TDRD12: variants seen among roughly 807,000 people sequenced by gnomAD.
TDRD12 encodes tudor domain containing 12.
In TDRD12, 158 loss-of-function variants were observed where a neutral mutation model predicts 133.5. The observed-to-expected ratio is 1.18, with a 90% confidence interval of 1.04 to 1.35. The LOEUF (loss-of-function observed/expected upper bound fraction) is 1.35. TDRD12 is among the 40% of genes most tolerant of loss of function. TDRD12 has a pLI of 0.00. For synonymous variants in TDRD12, 460 were observed against 477.9 expected, an observed-to-expected ratio of 0.96 and a Z score of 0.49; for missense variants, 1,443 against 1,321.3, an observed-to-expected ratio of 1.09 and a Z score of -1.43.
chr19:32,827,006 A>G (rs3746028), intron 9 of TDRD12, among the ~76,000 whole-genome samples, 158 bp from the exon 33 acceptor site: 32,168 of 152,144 alleles, frequency 0.21, 3,736 homozygotes, highest in East Asian at 0.52. Context: ...TAAGCAGACC[A>G]ATTTGACCTG....
Position 32,815,127 on chromosome 19 carries a change from G to A in TDRD12, c.3142-321G>A, listed in dbSNP as rs897954736. 4.6e-5 allele frequency among the ~76,000 whole-genome samples: 7 copies of A among 152,168 alleles called. No homozygotes were observed. In the East Asian group the frequency reaches 5.8e-4, roughly 13 times the overall value. ...TTGAGAAGGAATGAGAAAGATGTAC[G>A]AATTATGCATCTGACTAGGGGTTTA... On this transcript the variant is annotated intron_variant, in intron 25 of 27. Coordinates refer to ENST00000444215, the Ensembl canonical transcript of TDRD12.
At chr19:32,804,265 G>A (rs1971479744) in intron 21 of TDRD12, among the ~76,000 whole-genome samples, 1 of 151,246 alleles carries the variant, frequency 6.6e-6, no homozygotes, top group African/African-American at 2.4e-5. Context: ...GTAGATATGG[G>A]GTTTCACCAT....
intron 24 of TDRD12, among the ~76,000 whole-genome samples, chr19:32,812,186 G>C (rs1330494689): frequency 6.6e-6 from 1 of 152,172 alleles, no homozygotes; most frequent in Non-Finnish European, 1.5e-5. Flanking sequence ...GAGTGGGAAG[G>C]CCCAGCCCTT....
chr19:32,804,830 G>A (rs908371042), intron 21 of TDRD12, among the ~76,000 whole-genome samples: 7 of 151,584 alleles, frequency 4.6e-5, no homozygotes, highest in South Asian at 2.1e-4. Flanking sequence ...CACTCCAGAC[G>A]GGGTGACAGA....
rs184247207 is a variant in TDRD12, at chr19:32,827,106, G to A, written c.1050-58G>A. 4.2e-5 allele frequency: 40 copies of A among 960,818 alleles called. No homozygotes were observed. In the African/African-American group the frequency reaches 6.4e-4, roughly 15 times the overall value. 59.5% of individuals were successfully genotyped at this position (960,818 alleles called of 1,614,324 possible). On this transcript the variant is annotated intron_variant, in intron 9 of 9. Coordinates refer to the TDRD12 transcript ENST00000637289. ...TCTGCATTGACCCAAATAATGGGGG[G>A]AAATAAAGATTTGCTGATTAGTCTA...
intron 1 of TDRD12, among the ~76,000 whole-genome samples, chr19:32,724,687 GC>G: frequency 6.6e-6 from 1 of 152,054 alleles, no homozygotes; most frequent in Non-Finnish European, 1.5e-5. Context: ...GTGAACATAC[GC>G]ATGTATGTCT....
At position 32,772,314 on chromosome 19, in the gene TDRD12, C is replaced by T. The variant is rs185619975; in HGVS notation, c.866-439C>T. Among the ~76,000 whole-genome samples, 32 of 152,234 alleles carry T rather than the reference C, an allele frequency of 2.1e-4. No homozygotes were observed. The East Asian group carries it at 5.0e-3, about 24-fold the overall frequency. ...ACAGATCCTGAGTATGTGGCCTTTT[C>T]GTAATGTCACTTTAGAAGTCTCACA... is the stretch of plus-strand genomic sequence containing the variant. On this transcript the variant is annotated intron_variant, in intron 8 of 27. Transcript: ENST00000444215.
chr19:32,824,839 TTG>T (rs966603570), downstream of TDRD12, among the ~76,000 whole-genome samples: 9 of 151,998 alleles, frequency 5.9e-5, no homozygotes, highest in African/African-American at 2.2e-4. Flanking sequence ...CTCCTGTGAT[TTG>T]TGTTTCCCGG....
exon 16 of TDRD12, chr19:32,798,354 C>G: frequency 6.5e-7 from 1 of 1,535,834 alleles, no homozygotes; most frequent in Non-Finnish European, 8.7e-7. Flanking sequence ...GGCTTCTCGC[C>G]TGTCAGAGCC....
At chr19:32,791,718 G>A (rs951264637) in intron 13 of TDRD12, among the ~76,000 whole-genome samples, 7 of 152,140 alleles carry the variant, frequency 4.6e-5, no homozygotes, top group African/African-American at 7.2e-5. Flanking sequence ...AGCAAGGTTG[G>A]AGGCTCTTTT....
intron 4 of TDRD12, among the ~76,000 whole-genome samples, chr19:32,746,937 T>TAA (rs1969662439): frequency 7.9e-6 from 1 of 125,952 alleles, no homozygotes; most frequent in Admixed American, 7.8e-5. Flanking sequence ...GGCTATTCTG[T>TAA]GAGAGAGAGA....
At chr19:32,802,232 T>TATGATCATATATATC (rs1971419459) in intron 19 of TDRD12, among the ~76,000 whole-genome samples, 2 of 146,982 alleles carry the variant, frequency 1.4e-5, no homozygotes, top group African/African-American at 5.0e-5. Context: ...TGATCATATA[T>TATGATCATATATATC]ATGATAGTGA....
chr19:32,798,404 T>C (rs1599601045), exon 16 of TDRD12: 8 of 1,535,708 alleles, frequency 5.2e-6, no homozygotes, highest in East Asian at 2.4e-5. Flanking sequence ...CTGGATGAGG[T>C]AGAGGTGCTA....
exon 1 of TDRD12, chr19:32,719,979 G>C: frequency 6.8e-7 from 1 of 1,461,260 alleles, no homozygotes; most frequent in Non-Finnish European, 9.3e-7. Flanking sequence ...CACTCGCGGC[G>C]GGGGCCTGGC....
chr19:32,733,470 CAA>C (rs5827819), intron 2 of TDRD12, among the ~76,000 whole-genome samples: 6 of 143,108 alleles, frequency 4.2e-5, no homozygotes, highest in Admixed American at 7.0e-5. Flanking sequence ...AACTCTGTCT[CAA>C]AAAAAAAAAA....
intron 9 of TDRD12, 98 bp from the exon 33 acceptor site, chr19:32,827,066 C>T: frequency 1.8e-6 from 1 of 561,686 alleles, no homozygotes. Flanking sequence ...AGAGCTGGAA[C>T]CCAAGGCATT....
At chr19:32,726,975 T>A (rs1968883334) in intron 1 of TDRD12, among the ~76,000 whole-genome samples, 1 of 152,180 alleles carries the variant, frequency 6.6e-6, no homozygotes, top group Non-Finnish European at 1.5e-5. Flanking sequence ...CTGCATTATA[T>A]GGTAATTATA....
At chr19:32,753,293 C>T (rs956685834) in intron 6 of TDRD12, among the ~76,000 whole-genome samples, 3 of 152,182 alleles carry the variant, frequency 2.0e-5, no homozygotes, top group Admixed American at 6.5e-5. Context: ...TCCATCTGTA[C>T]ACATATTAAG....
chr19:32,734,284 C>T (rs1320697678), intron 2 of TDRD12, among the ~76,000 whole-genome samples: 1 of 151,856 alleles, frequency 6.6e-6, no homozygotes, highest in Non-Finnish European at 1.5e-5. Flanking sequence ...GATCAGTTTT[C>T]AACTTAGTGC....
Sources: gnomAD v4.1 joint callset for allele counts (sites outside exome capture counted in the v4.1 genomes callset) on GRCh38, gnomAD v4.1.1 for gene constraint, MANE v1.5 for transcripts, NCBI Gene and HGNC (gene_info 2026-07-23, HGNC 2026-07-21) for gene names.